Variants in NRIP1 observed in about 807,000 individuals in gnomAD.
The protein encoded by NRIP1 is nuclear receptor-interacting protein 1.
In NRIP1, 28 loss-of-function variants were observed where a neutral mutation model predicts 75.0. The observed-to-expected ratio is 0.37, with a 90% CI of 0.28 to 0.51. The LOEUF (loss-of-function observed/expected upper bound fraction) is 0.51. Among genes scored for constraint, NRIP1 ranks in the 20% least tolerant of loss-of-function variants. NRIP1 has a pLI of 0.92. For synonymous variants in NRIP1, 526 were observed against 487.6 expected, an observed-to-expected ratio of 1.08 and a Z score of -1.04; for missense variants, 1,435 against 1,343.7, an observed-to-expected ratio of 1.07 and a Z score of -1.06.
intron 3 of NRIP1, among the ~76,000 whole-genome samples, chr21:14,990,376 G>A (rs865925021): frequency 2.6e-5 from 4 of 152,118 alleles, no homozygotes; most frequent in Non-Finnish European, 5.9e-5. Flanking sequence ...GGAGGGCCGG[G>A]GTGGGTTACT....
chr21:14,990,814 C>T (rs2087549505), intron 3 of NRIP1, among the ~76,000 whole-genome samples: 1 of 152,166 alleles, frequency 6.6e-6, no homozygotes, highest in Admixed American at 6.6e-5. Context: ...TAACTTCTAT[C>T]ATTTCTAGCA....
rs1264399888 is a variant in NRIP1 at position 14,968,060 on chromosome 21, T to C, written c.133A>G (p.Asn45Asp). The change falls in exon 4 of 4, where the codon AAT (asparagine) becomes GAT (aspartate). Residue 45 changes from asparagine to aspartate, a missense_variant. Asn to Asp is a conservative substitution (Grantham distance 23). Coordinates refer to ENST00000318948, the MANE Select transcript of NRIP1 (RefSeq NM_003489.4). The part of the protein sequence containing the change: ...TAVDKKSAGH[N>D]EEDQNFNISG... ...ATGTTAAAGTTCTGATCCTCTTCAT[T>C]ATGCCCAGCAGACTTTTTGTCAACG... 5.0e-6 allele frequency: 8 copies of C among 1,613,962 alleles called. No individual in the cohort carries two copies. The highest frequency in any genetic ancestry group is 1.3e-5 in the African/African-American group (1 of 74,914).
intron 2 of NRIP1, among the ~76,000 whole-genome samples, chr21:15,019,044 A>G (rs1481001605): frequency 6.6e-6 from 1 of 151,632 alleles, no homozygotes; most frequent in Non-Finnish European, 1.5e-5. Context: ...GATTTTGTCA[A>G]ATGATTTTTC....
intron 2 of NRIP1, among the ~76,000 whole-genome samples, chr21:15,032,519 T>C (rs972846923): frequency 2.6e-5 from 4 of 150,980 alleles, no homozygotes; most frequent in Non-Finnish European, 5.9e-5. Flanking sequence ...CCGTTCGAAG[T>C]CACTGAAAAA....
chr21:15,038,119 C>T (rs1260525007), intron 2 of NRIP1, among the ~76,000 whole-genome samples: 1 of 152,010 alleles, frequency 6.6e-6, no homozygotes, highest in Non-Finnish European at 1.5e-5. Context: ...AACCAAGAAC[C>T]TGCCAACAGA....
At chr21:15,031,062 T>C (rs542285190) in intron 2 of NRIP1, among the ~76,000 whole-genome samples, 752 of 37,944 alleles carry the variant, frequency 0.02, 1 homozygote, top group African/African-American at 0.094. Flanking sequence ...CTACATTCCC[T>C]TTCTATGTGT....
intron 3 of NRIP1, among the ~76,000 whole-genome samples, chr21:14,969,384 A>G (rs2146949855): frequency 6.6e-6 from 1 of 152,328 alleles, no homozygotes; most frequent in African/African-American, 2.4e-5. Flanking sequence ...TAAAAAGTAC[A>G]ATGGAGAATG....
intron 3 of NRIP1, among the ~76,000 whole-genome samples, chr21:14,991,640 T>G (rs1325913903): frequency 6.6e-6 from 1 of 152,118 alleles, no homozygotes; most frequent in African/African-American, 2.4e-5. Context: ...TAAGTGTCAC[T>G]CCAGAATTTT....
At chr21:15,024,945 G>A (rs1488593746) in intron 2 of NRIP1, among the ~76,000 whole-genome samples, 4 of 152,108 alleles carry the variant, frequency 2.6e-5, no homozygotes, top group Non-Finnish European at 5.9e-5. Flanking sequence ...TCACAGAAAA[G>A]CAAATCAAGA....
At position 14,972,474 on chromosome 21, in the gene NRIP1, A is replaced by G. The variant is rs769424881; in HGVS notation, c.-334-3948T>C. On this transcript the variant is annotated intron_variant, in intron 3 of 3. Coordinates refer to ENST00000318948, the MANE Select transcript of NRIP1 (RefSeq NM_003489.4). ...TTAAAATGTTATTTTAAGTTATTCA[A>G]TATTAGCTTAACTCATTTTCTTTTA... Among the ~76,000 whole-genome samples, 24 of 152,180 alleles carry G rather than the reference A, an allele frequency of 1.6e-4. 1 individual carries two copies. Among genetic ancestry groups the G allele is most frequent in the Admixed American group, 6.5e-5 (1 of 15,268 alleles).
Position 14,967,791 on chromosome 21 carries a change from G to A in NRIP1, c.402C>T (p.Ala134=). Residue 134 remains alanine (A), a synonymous_variant, in exon 4 of 4, where the codon GCC becomes GCT. Transcript: ENST00000318948. ...TAGAGCTGAATGACTGAAGCAAAGA[G>A]GCCAGTAATGTGCTATCCTGTTTGC... ...PKGKQDSTLL[A]SLLQSFSSRL... is the part of the protein sequence containing the mutation. 6.2e-7 allele frequency: 1 copy of A among 1,614,070 alleles called. No homozygotes were observed. The highest frequency in any genetic ancestry group is 2.2e-5 in the East Asian group (1 of 44,884).
At chr21:15,036,810 A>T (rs2088844030) in intron 2 of NRIP1, among the ~76,000 whole-genome samples, 1 of 152,208 alleles carries the variant, frequency 6.6e-6, no homozygotes, top group South Asian at 2.1e-4. Flanking sequence ...GAAGAAATTT[A>T]GGGAAATCTG....
At chr21:15,038,241 G>T (rs1307645944) in intron 2 of NRIP1, among the ~76,000 whole-genome samples, 3 of 151,816 alleles carry the variant, frequency 2.0e-5, no homozygotes. Context: ...CCATAACTTG[G>T]TATGTCTTTA....
At chr21:14,986,810 T>C (rs898627184) in intron 3 of NRIP1, among the ~76,000 whole-genome samples, 11 of 152,194 alleles carry the variant, frequency 7.2e-5, no homozygotes, top group African/African-American at 2.4e-4. Flanking sequence ...TAATACCAGA[T>C]TACACAAATT....
chr21:14,978,217 C>T (rs775878381), intron 3 of NRIP1, among the ~76,000 whole-genome samples: 6 of 152,132 alleles, frequency 3.9e-5, no homozygotes, highest in Non-Finnish European at 7.3e-5. Context: ...ATATGAGGAC[C>T]CCTCTAAATC....
Position 14,966,872 on chromosome 21 carries a change from T to C in NRIP1, c.1321A>G (p.Ile441Val), listed in dbSNP as rs150468995. ...GTTCGGTGTTTGCAAGACAAGTCTA[T>C]GGGAACACAGTTGGAATAAGAACTT... The part of the protein sequence containing the change: ...DESSYSNCVP[I>V]DLSCKHRTEK... The change falls in exon 4 of 4, where the codon ATA (isoleucine) becomes GTA (valine). Residue 441 changes from isoleucine to valine, a missense_variant. Coordinates refer to ENST00000318948, the MANE Select transcript of NRIP1 (RefSeq NM_003489.4). 501 of 1,614,136 alleles carry C rather than the reference T, an allele frequency of 3.1e-4. 2 individuals carry two copies. The highest frequency in any genetic ancestry group is 2.3e-3 in the Admixed American group (139 of 60,022).
In NRIP1 at chr21:14,968,480, T is replaced by C. The variant is rs2086821222; in HGVS notation, c.-288A>G. The stretch of plus-strand genomic sequence containing the variant: ...TAGAATCCTTAGTGAATATATTCCT[T>C]TTCCTTCTTCATCTTTTGTTCCCCA... On this transcript the variant is annotated 5_prime_UTR_variant, in exon 4 of 4. Coordinates refer to ENST00000318948, the MANE Select transcript of NRIP1 (RefSeq NM_003489.4). 1 of 287,088 alleles carries C rather than the reference T, an allele frequency of 3.5e-6. No individual in the cohort carries two copies. Among genetic ancestry groups the C allele is most frequent in the South Asian group, 1.2e-4 (1 of 8,312 alleles). 17.8% of individuals were successfully genotyped at this position (287,088 alleles called of 1,614,324 possible). A position where few individuals can be genotyped will look rare whatever the true frequency, so the allele number is the denominator to read the frequency against.
chr21:14,972,966 T>C lies in NRIP1; in HGVS notation c.-334-4440A>G, dbSNP rs560847691. Among the ~76,000 whole-genome samples, 12 of 152,302 alleles carry C rather than the reference T, an allele frequency of 7.9e-5. No individual in the cohort carries two copies. In the East Asian group the frequency reaches 2.3e-3, roughly 29 times the overall value. On this transcript the variant is annotated intron_variant, in intron 3 of 3. Transcript: ENST00000318948. ...GTTCCTAACAGGCTTGGCCTGGGGGTTGGGAACCCCTGCTTCAGAGAATTG... is the reference window on the plus strand; with the variant it reads ...GTTCCTAACAGGCTTGGCCTGGGGGCTGGGAACCCCTGCTTCAGAGAATTG...
chr21:14,995,850 C>A (rs559333716), intron 3 of NRIP1, among the ~76,000 whole-genome samples: 100 of 152,222 alleles, frequency 6.6e-4, no homozygotes, highest in Non-Finnish European at 1.1e-3. Flanking sequence ...ACAGCCAATG[C>A]TCTTTGTAAA....
Sources: gnomAD v4.1 joint callset for allele counts (sites outside exome capture counted in the v4.1 genomes callset) on GRCh38, gnomAD v4.1.1 for gene constraint, MANE v1.5 for transcripts, NCBI Gene and HGNC (gene_info 2026-07-23, HGNC 2026-07-21) for gene names.